Variants in CIZ1 observed in about 807,000 individuals in gnomAD.
The protein encoded by CIZ1 is cip1-interacting zinc finger protein.
A neutral mutation model predicts 118.6 loss-of-function variants in CIZ1; 58 were observed. That is an observed-to-expected ratio of 0.49 (90% CI 0.40 to 0.61). The LOEUF (loss-of-function observed/expected upper bound fraction) is 0.61, where lower values mean the gene tolerates loss of function less well. Ranked by LOEUF, CIZ1 falls within the 20% of genes least tolerant of loss-of-function variation. CIZ1 has a pLI of 0.00. For missense variants in CIZ1, 921 were observed against 1,115.9 expected (o/e 0.83, Z 2.49); for synonymous variants, 448 against 443.4 (o/e 1.01, Z -0.13).
At chr9:128,172,144 T>G in intron 11 of CIZ1, among the ~76,000 whole-genome samples, 1 of 55,502 alleles carries the variant, frequency 1.8e-5, no homozygotes, top group Non-Finnish European at 3.4e-5. Context: ...TGAGACACTG[T>G]CTCAAAAAAA....
chr9:128,196,820 T>G (rs1833387991), intron 1 of CIZ1: 1 of 152,126 alleles, frequency 6.6e-6, no homozygotes, highest in South Asian at 2.1e-4. Context: ...GCCAGAATGG[T>G]CTCGACCTCT....
chr9:128,201,321 G>T (rs577876069), intron 1 of CIZ1, among the ~76,000 whole-genome samples: 1 of 151,708 alleles, frequency 6.6e-6, no homozygotes, highest in African/African-American at 2.4e-5. Context: ...GTGGTGGCAC[G>T]TGCCTGTAGT....
upstream of CIZ1, among the ~76,000 whole-genome samples, chr9:128,195,179 T>G (rs988688704): frequency 2.6e-5 from 4 of 152,132 alleles, no homozygotes; most frequent in Non-Finnish European, 5.9e-5. Context: ...AATAGCTAAA[T>G]AAGTCATGGT....
Position 128,178,773 on chromosome 9 carries a change from T to G in CIZ1, c.1434A>C (p.Gln478His). Residue 478 changes from glutamine (Q) to histidine (H), a missense_variant, in exon 8 of 17, where the codon CAA becomes CAC. Transcript: ENST00000372938. ...QPQVSLLAPE[Q>H]TPVVVHVCGL... is the part of the protein sequence containing the mutation. The stretch of plus-strand genomic sequence containing the variant: ...CGCAGACATGAACCACAACTGGTGT[T>G]TGCTCTGGAGCCAGCAACGACACCT... 1.2e-6 allele frequency: 2 copies of G among 1,614,258 alleles called. No individual in the cohort carries two copies. Among genetic ancestry groups the G allele is most frequent in the Middle Eastern group, 1.7e-4 (1 of 6,060 alleles).
Position 128,166,602 on chromosome 9 carries a change from A to G in CIZ1, c.2487+157T>C. ...CATCCCCTTGAACAATAAGAGCCCA[A>G]CCCCACCCCAGCTCTAATTCTCTCC... On this transcript the variant is annotated intron_variant, in intron 16 of 16. Coordinates refer to ENST00000372938, the MANE Select transcript of CIZ1 (RefSeq NM_001131016.2). The surrounding 1 kb of genome is among the most constrained non-coding windows in gnomAD (Gnocchi z 4.4). 8.3e-6 allele frequency: 9 copies of G among 1,086,016 alleles called. No individual in the cohort carries two copies. Among genetic ancestry groups the G allele is most frequent in the Non-Finnish European group, 1.1e-5 (8 of 746,678 alleles). 67.3% of individuals were successfully genotyped at this position (1,086,016 alleles called of 1,614,324 possible). A position where few individuals can be genotyped will look rare whatever the true frequency, so the allele number is the denominator to read the frequency against.
Position 128,166,684 on chromosome 9 carries a change from A to G in CIZ1, c.2487+75T>C. ...AGGCCCTGCACAAGAGGGAGTGGCC[A>G]CTAGCCACCCGAATCAGCTTGGATT... On this transcript the variant is annotated intron_variant, in intron 16 of 16. Coordinates refer to ENST00000372938, the MANE Select transcript of CIZ1 (RefSeq NM_001131016.2). This position sits in a 1 kb window ranked among gnomAD's most constrained non-coding sequence, Gnocchi z 4.4. The G allele has an allele frequency of 6.3e-7, 1 of 1,596,414 alleles. No individual in the cohort carries two copies. Among genetic ancestry groups the G allele is most frequent in the Non-Finnish European group, 8.6e-7 (1 of 1,166,246 alleles).
Position 128,190,375 on chromosome 9 carries a change from G to A in CIZ1, c.240C>T (p.Leu80=). ...AAGCTCTCTGCAGCATGGAGCCGTT[G>A]AGGAGGGAGGCTGAGTTGGTGCCCT... The part of the protein sequence containing the change: ...NLQGTNSASL[L]NGSMLQRALL... The change falls in exon 3 of 17, where the codon CTC becomes CTT. Residue 80 remains leucine, a synonymous_variant. Transcript: ENST00000372938. The A allele has an allele frequency of 6.2e-7, 1 of 1,613,998 alleles. No homozygotes were observed. The highest frequency in any genetic ancestry group is 8.5e-7 in the Non-Finnish European group (1 of 1,179,914).
At chr9:128,186,797 C>T (rs1286537480) in intron 4 of CIZ1, among the ~76,000 whole-genome samples, 2 of 152,148 alleles carry the variant, frequency 1.3e-5, no homozygotes, top group Non-Finnish European at 2.9e-5. Flanking sequence ...TTCCCTCTGC[C>T]TGGGCTGTTC....
upstream of CIZ1, among the ~76,000 whole-genome samples, chr9:128,194,487 A>G (rs1833328174): frequency 6.6e-6 from 1 of 151,734 alleles, no homozygotes; most frequent in Middle Eastern, 3.2e-3. Context: ...CAGGTTGTTC[A>G]TGGAAATATT....
intron 5 of CIZ1, 30 bp from the exon 6 acceptor site, chr9:128,180,844 C>T: frequency 6.7e-7 from 1 of 1,488,948 alleles, no homozygotes; most frequent in East Asian, 2.3e-5. Context: ...ATGTTGACAT[C>T]CAATACCCAC....
chr9:128,176,537 G>A, intron 10 of CIZ1, 62 bp from the exon 11 acceptor site: 1 of 1,549,454 alleles, frequency 6.5e-7, no homozygotes, highest in Non-Finnish European at 8.7e-7. Flanking sequence ...GGGCAAGGCT[G>A]GGGCCTGGGG....
rs757566170 is a variant in CIZ1, at chr9:128,169,446, T to A, written c.2105A>T (p.Glu702Val). 1.2e-6 allele frequency: 2 copies of A among 1,614,158 alleles called. No individual in the cohort carries two copies. The highest frequency in any genetic ancestry group is 3.3e-5 in the Admixed American group (2 of 60,026). Residue 702 changes from glutamate (E) to valine (V), a missense_variant, in exon 13 of 17, where the codon GAG becomes GTG. Coordinates refer to ENST00000372938, the MANE Select transcript of CIZ1 (RefSeq NM_001131016.2). ...RYFKTPRKFV[E>V]HVKSQGHKDK... ...CTTATGCCCCTGGGACTTCACGTGCTCCACAAACTTGCGAGGGGTTTTGAA... is the reference window on the plus strand; with the variant it reads ...CTTATGCCCCTGGGACTTCACGTGCACCACAAACTTGCGAGGGGTTTTGAA...
In CIZ1 at chr9:128,167,101, C is replaced by T; in HGVS notation, c.2359G>A (p.Ala787Thr). Residue 787 changes from alanine to threonine, a missense_variant, in exon 15 of 17, where the codon GCA (alanine) becomes ACA (threonine). Transcript: ENST00000372938. ...CTCAGAGCTGGGGCCTTACCATATG[C>T]AGTATTGGGGCTGTAGGTCTCCGAG... ...KGSETYSPNT[A>T]YGVDFLVPVM... 6.3e-7 allele frequency: 1 copy of T among 1,599,220 alleles called. No homozygotes were observed. The highest frequency in any genetic ancestry group is 1.7e-5 in the Admixed American group (1 of 57,696).
At chr9:128,198,798 C>T (rs573819015) in intron 1 of CIZ1, among the ~76,000 whole-genome samples, 2 of 151,878 alleles carry the variant, frequency 1.3e-5, no homozygotes, top group East Asian at 3.9e-4. Context: ...TGCCACTGCA[C>T]TCCAGCCTGG....
In CIZ1 at chr9:128,178,474, C is replaced by T. The variant is rs1831149442; in HGVS notation, c.1515G>A (p.Leu505=). ...VEAGGGMEKT[L]PEPVGTQVSM... is the part of the protein sequence containing the mutation. ...TGACTTGGGTGCCCACAGGCTCTGG[C>T]AAGGTCTTTTCCATGCCTGAAATGA... Residue 505 remains leucine, a synonymous_variant, in exon 9 of 17, where the codon TTG becomes TTA. Transcript: ENST00000372938. The T allele has an allele frequency of 6.2e-7, 1 of 1,614,104 alleles. No individual in the cohort carries two copies. The highest frequency in any genetic ancestry group is 8.5e-7 in the Non-Finnish European group (1 of 1,180,036).
chr9:128,185,269 A>G (rs1832215224), intron 5 of CIZ1, among the ~76,000 whole-genome samples: 2 of 152,146 alleles, frequency 1.3e-5, no homozygotes, highest in Admixed American at 6.5e-5. Flanking sequence ...TAAGAGCGAA[A>G]CTTCATCTCA....
chr9:128,189,621 A>T (rs1324990352), intron 3 of CIZ1, among the ~76,000 whole-genome samples: 1 of 152,024 alleles, frequency 6.6e-6, no homozygotes, highest in Non-Finnish European at 1.5e-5. Context: ...GGAGTTCAAG[A>T]CCAGCCTGGC....
At chr9:128,184,668 T>C (rs1426547064) in intron 5 of CIZ1, among the ~76,000 whole-genome samples, 2 of 151,742 alleles carry the variant, frequency 1.3e-5, no homozygotes, top group African/African-American at 4.8e-5. Context: ...AATTTTATTT[T>C]TATTTATTTA....
Position 128,190,678 on chromosome 9 carries a change from G to A in CIZ1, c.170+10C>T, listed in dbSNP as rs768116407. On this transcript the variant is annotated intron_variant, in intron 2 of 16. Coordinates refer to ENST00000372938, the MANE Select transcript of CIZ1 (RefSeq NM_001131016.2). ...AGGCTGAAGCCATCGCGCCCGAGAGGGGAACTCACCGGCTGACAGCCATGG... is the reference window on the plus strand; with the variant it reads ...AGGCTGAAGCCATCGCGCCCGAGAGAGGAACTCACCGGCTGACAGCCATGG... The A allele has an allele frequency of 2.6e-6, 4 of 1,550,986 alleles. No homozygotes were observed. The South Asian group carries it at 4.7e-5, about 18-fold the overall frequency.
Sources: gnomAD v4.1 joint callset for allele counts (sites outside exome capture counted in the v4.1 genomes callset) on GRCh38, gnomAD v4.1.1 for gene constraint, Gnocchi (gnomAD v3.1) non-coding constraint, MANE v1.5 for transcripts, NCBI Gene and HGNC (gene_info 2026-07-23, HGNC 2026-07-21) for gene names.